TMPRSS11B: variants seen among roughly 807,000 people sequenced by gnomAD.
The protein encoded by TMPRSS11B is transmembrane serine protease 11B.
TMPRSS11B carries 53 observed loss-of-function variants against 44.7 expected under a neutral mutation model. That is an observed-to-expected ratio of 1.19 (90% confidence interval 0.95 to 1.49). The LOEUF is 1.49. Ranked by LOEUF, TMPRSS11B falls within the 40% of genes most tolerant of loss-of-function variation. The pLI, the probability that TMPRSS11B is intolerant of heterozygous loss-of-function variation, is 0.00. For missense variants in TMPRSS11B, 526 were observed against 494.8 expected (o/e 1.06, Z -0.60); for synonymous variants, 140 against 159.2 (o/e 0.88, Z 0.91).
intron 4 of TMPRSS11B, 146 bp downstream of exon 4, chr4:68,235,856 C>A (rs1284922194): frequency 5.3e-5 from 24 of 457,066 alleles, no homozygotes. Context: ...TTTCTATTTC[C>A]TTCGTTCCTT....
At chr4:68,242,902 A>T (rs1415638685) in intron 1 of TMPRSS11B, among the ~76,000 whole-genome samples, 1 of 152,182 alleles carries the variant, frequency 6.6e-6, no homozygotes, top group African/African-American at 2.4e-5. Context: ...AATGTAAATT[A>T]TTTGCATAAT....
Position 68,239,254 on chromosome 4 carries a change from GCTCT to G in TMPRSS11B, c.124+2431_124+2434del, listed in dbSNP as rs926030805. Among the ~76,000 whole-genome samples the G allele has an allele frequency of 2.6e-3, 391 of 150,146 alleles. 1 individual carries two copies. The highest frequency in any genetic ancestry group is 9.1e-3 in the African/African-American group (374 of 41,306). On this transcript the variant is annotated intron_variant, in intron 2 of 9. Transcript: ENST00000332644. ...AAGAGAGACCAGATCTCTCTTGCGCGCTCTCTCTCGCGCGCGCGCTCTCTCTCTC... is the reference window on the plus strand; with the variant it reads ...AAGAGAGACCAGATCTCTCTTGCGCGCTCTCGCGCGCGCGCTCTCTCTCTC...
At chr4:68,242,383 T>TAA (rs1347304855) in intron 1 of TMPRSS11B, among the ~76,000 whole-genome samples, 1 of 80,222 alleles carries the variant, frequency 1.2e-5, no homozygotes, top group African/African-American at 5.5e-5. Context: ...ATTATATATA[T>TAA]AATATATAAT....
At chr4:68,236,312 A>C in intron 2 of TMPRSS11B, 46 bp from the exon 3 acceptor site, 1 of 1,288,018 alleles carries the variant, frequency 7.8e-7, no homozygotes. Context: ...TAAAGTGGAA[A>C]GTGACTTTAA....
intron 5 of TMPRSS11B, among the ~76,000 whole-genome samples, chr4:68,233,521 CT>C (rs1719577601): frequency 6.6e-6 from 1 of 151,992 alleles, no homozygotes; most frequent in African/African-American, 2.4e-5. Flanking sequence ...CTGTGAGAAG[CT>C]TTTGGGAAAG....
chr4:68,239,862 G>A (rs556731834), intron 2 of TMPRSS11B, among the ~76,000 whole-genome samples: 24 of 152,240 alleles, frequency 1.6e-4, no homozygotes, highest in Admixed American at 9.8e-4. Context: ...AAAAGAGCTC[G>A]ACAGGTGATT....
Position 68,236,223 on chromosome 4 carries a change from G to T in TMPRSS11B, c.168C>A (p.Val56=). 1 of 1,611,962 alleles carries T rather than the reference G, an allele frequency of 6.2e-7. No individual in the cohort carries two copies. The highest frequency in any genetic ancestry group is 1.1e-5 in the South Asian group (1 of 90,796). The change falls in exon 3 of 10, where the codon GTC becomes GTA. Residue 56 remains valine, a synonymous_variant. Transcript: ENST00000332644. ...CGTTTTCACAATTATCATTGTATGT[G>T]ACTCCAGAAATATGAAAATCACCTT... is the stretch of plus-strand genomic sequence containing the variant. ...YYQGDFHISG[V]TYNDNCENAA...
chr4:68,242,182 C>A (rs1719842532), intron 1 of TMPRSS11B, among the ~76,000 whole-genome samples: 1 of 101,300 alleles, frequency 9.9e-6, no homozygotes. Context: ...GACTTATAGA[C>A]ACAATTAAAT....
chr4:68,240,107 T>A (rs554242730), intron 2 of TMPRSS11B, among the ~76,000 whole-genome samples: 1 of 152,260 alleles, frequency 6.6e-6, no homozygotes, highest in African/African-American at 2.4e-5. Flanking sequence ...AATAGATGTA[T>A]TTAGACAGGG....
Position 68,234,568 on chromosome 4 carries a change from C to T in TMPRSS11B, c.364G>A (p.Ala122Thr). The T allele has an allele frequency of 6.2e-7, 1 of 1,613,908 alleles. No homozygotes were observed. Among genetic ancestry groups the T allele is most frequent in the Non-Finnish European group, 8.5e-7 (1 of 1,179,942 alleles). The change falls in exon 5 of 10, where the codon GCA (alanine) becomes ACA (threonine). Residue 122 changes from alanine (A) to threonine (T), a missense_variant. Transcript: ENST00000332644. The stretch of plus-strand genomic sequence containing the variant: ...TTAGTCCTCATGCTAACTCCTTCTG[C>T]TGGAGGAAACTTGAATTTCAGCTGT... ...QLQLKFKFPP[A>T]EGVSMRTKIK...
At chr4:68,242,714 G>T (rs1201699581) in intron 1 of TMPRSS11B, among the ~76,000 whole-genome samples, 3 of 151,380 alleles carry the variant, frequency 2.0e-5, no homozygotes, top group Non-Finnish European at 4.4e-5. Flanking sequence ...GGGACCACAG[G>T]GGTGCACCAC....
At chr4:68,228,389 G>A (rs898050731) in intron 9 of TMPRSS11B, among the ~76,000 whole-genome samples, 2 of 152,174 alleles carry the variant, frequency 1.3e-5, no homozygotes, top group African/African-American at 4.8e-5. Flanking sequence ...GGAACAAGTG[G>A]CATAGGCATG....
At chr4:68,243,293 T>C (rs1378381761) in intron 1 of TMPRSS11B, among the ~76,000 whole-genome samples, 1 of 152,192 alleles carries the variant, frequency 6.6e-6, no homozygotes, top group African/African-American at 2.4e-5. Flanking sequence ...TGAACCTTTT[T>C]GTTCTCATCT....
chr4:68,237,869 T>C (rs1311314624), intron 2 of TMPRSS11B, among the ~76,000 whole-genome samples: 1 of 152,000 alleles, frequency 6.6e-6, no homozygotes, highest in Admixed American at 6.6e-5. Context: ...CTTAAAAAAT[T>C]TGCTGGGCAT....
intron 5 of TMPRSS11B, 54 bp downstream of exon 5, chr4:68,234,409 A>T: frequency 6.5e-7 from 1 of 1,546,224 alleles, no homozygotes; most frequent in Non-Finnish European, 8.7e-7. Context: ...CTTTTTAAAA[A>T]AATAATCCAG....
rs142080260 is a variant in TMPRSS11B at position 68,243,044 on chromosome 4, A to G, written c.9-1240T>C. ...GGTTACAGTTACATTGTATGGCCAC[A>G]CTAAGCTTAATCTACATAAAGTTTG... On this transcript the variant is annotated intron_variant, in intron 1 of 9. Coordinates refer to ENST00000332644, the MANE Select transcript of TMPRSS11B (RefSeq NM_182502.3). 5.8e-3 allele frequency among the ~76,000 whole-genome samples: 885 copies of G among 152,302 alleles called. 9 individuals carry two copies. Among genetic ancestry groups the G allele is most frequent in the Non-Finnish European group, 0.01 (690 of 68,014 alleles).
Position 68,229,477 on chromosome 4 carries a change from A to G in TMPRSS11B, c.726T>C (p.Ile242=). ...GTGTCATATATGGTTTATTTACTAC[A>G]ATTCCAAAGTTGACAGTCCAATCTT... ...NSKDWTVNFG[I]VVNKPYMTRK... is the part of the protein sequence containing the mutation. The change falls in exon 8 of 10, where the codon ATT becomes ATC. Residue 242 remains isoleucine, a synonymous_variant. Coordinates refer to ENST00000332644, the MANE Select transcript of TMPRSS11B (RefSeq NM_182502.3). 1 of 1,613,316 alleles carries G rather than the reference A, an allele frequency of 6.2e-7. No homozygotes were observed. Among genetic ancestry groups the G allele is most frequent in the Non-Finnish European group, 8.5e-7 (1 of 1,179,522 alleles).
chr4:68,229,135 G>C, intron 8 of TMPRSS11B, 122 bp downstream of exon 8: 2 of 1,115,396 alleles, frequency 1.8e-6, no homozygotes, highest in South Asian at 3.3e-5. Context: ...CCACCACTTG[G>C]TTTTCTTTTC....
At chr4:68,236,452 A>T (rs898327634) in intron 2 of TMPRSS11B, among the ~76,000 whole-genome samples, 186 bp from the exon 3 acceptor site, 1 of 151,906 alleles carries the variant, frequency 6.6e-6, no homozygotes, top group African/African-American at 2.4e-5. Flanking sequence ...CTCTGCCTTA[A>T]CCATTTATAC....
Sources: gnomAD v4.1 joint callset for allele counts (sites outside exome capture counted in the v4.1 genomes callset) on GRCh38, gnomAD v4.1.1 for gene constraint, MANE v1.5 for transcripts, NCBI Gene and HGNC (gene_info 2026-07-23, HGNC 2026-07-21) for gene names.